The following ROBO1 variants were observed in gnomAD, a reference collection of about 807,000 sequenced individuals.
ROBO1 encodes roundabout homolog 1.
A neutral mutation model predicts 195.9 loss-of-function variants in ROBO1; 149 were observed. That is an observed-to-expected ratio of 0.76 (90% confidence interval 0.67 to 0.87). ROBO1 has a LOEUF of 0.87. ROBO1 is among the 40% of genes least tolerant of loss of function. The probability of loss-of-function intolerance (pLI) is 0.00; values close to 1 mark genes in which losing one functional copy is unlikely to be tolerated. For missense variants in ROBO1, 1,933 were observed against 2,068.3 expected (o/e 0.93, Z 1.27); for synonymous variants, 816 against 733.2 (o/e 1.11, Z -1.82).
intron 2 of ROBO1, among the ~76,000 whole-genome samples, chr3:79,573,490 A>T (rs1943348959): frequency 6.6e-6 from 1 of 152,294 alleles, no homozygotes; most frequent in South Asian, 2.1e-4. Flanking sequence ...TATATTTATT[A>T]TTCATTTATT....
intron 4 of ROBO1, among the ~76,000 whole-genome samples, chr3:78,786,502 G>A (rs1421551547): frequency 6.6e-6 from 1 of 151,934 alleles, no homozygotes; most frequent in Non-Finnish European, 1.5e-5. Flanking sequence ...ATTTGATATG[G>A]TTTTGCTGTG....
chr3:79,387,698 T>TA (rs11425206), intron 2 of ROBO1, among the ~76,000 whole-genome samples: 71,991 of 151,654 alleles, frequency 0.47, 17,159 homozygotes, highest in Non-Finnish European at 0.5. Flanking sequence ...TACTCAAATT[T>TA]AAAAAATGTG....
chr3:79,728,342 A>G (rs1703009291), intron 1 of ROBO1, among the ~76,000 whole-genome samples: 1 of 152,184 alleles, frequency 6.6e-6, no homozygotes, highest in African/African-American at 2.4e-5. Flanking sequence ...CAAATACAAT[A>G]TGCCAATGGG....
chr3:78,930,286 T>C (rs898712130), intron 4 of ROBO1, among the ~76,000 whole-genome samples: 3 of 152,184 alleles, frequency 2.0e-5, no homozygotes, highest in Non-Finnish European at 2.9e-5. Flanking sequence ...TCACTTCCAA[T>C]AGGCCAGGCA....
At chr3:79,337,668 C>T (rs1241085151) in intron 2 of ROBO1, among the ~76,000 whole-genome samples, 1 of 152,190 alleles carries the variant, frequency 6.6e-6, no homozygotes, top group Non-Finnish European at 1.5e-5. Flanking sequence ...CACCCTATCA[C>T]ATTGTATAGC....
At chr3:78,738,925 C>A (rs1249124939) in intron 5 of ROBO1, among the ~76,000 whole-genome samples, 1 of 152,076 alleles carries the variant, frequency 6.6e-6, no homozygotes, top group African/African-American at 2.4e-5. Context: ...CAAACAAATT[C>A]TTTCCCCATC....
intron 5 of ROBO1, among the ~76,000 whole-genome samples, chr3:78,730,103 G>A (rs558759375): frequency 1.6e-4 from 25 of 152,284 alleles, no homozygotes; most frequent in Admixed American, 1.4e-3. Flanking sequence ...GATGACAAAT[G>A]TTCATAGTAT....
intron 2 of ROBO1, among the ~76,000 whole-genome samples, chr3:79,460,958 CAGA>C (rs1937616897): frequency 6.6e-6 from 1 of 152,014 alleles, no homozygotes; most frequent in South Asian, 2.1e-4. Flanking sequence ...CCTTGTCAGC[CAGA>C]AGTAGTATTT....
intron 2 of ROBO1, among the ~76,000 whole-genome samples, chr3:79,331,164 A>C (rs902230408): frequency 6.6e-6 from 1 of 152,234 alleles, no homozygotes; most frequent in Non-Finnish European, 1.5e-5. Context: ...CAGAACTTTA[A>C]GAAAATGAAT....
chr3:79,276,789 A>G (rs966404624), intron 2 of ROBO1, among the ~76,000 whole-genome samples: 12 of 152,008 alleles, frequency 7.9e-5, no homozygotes, highest in Admixed American at 5.9e-4. Flanking sequence ...TAATAATCTG[A>G]TTTTTAAAAT....
intron 2 of ROBO1, among the ~76,000 whole-genome samples, chr3:79,347,866 C>T (rs1254937570): frequency 6.6e-6 from 1 of 152,152 alleles, no homozygotes; most frequent in Non-Finnish European, 1.5e-5. Flanking sequence ...AACAAAGGCA[C>T]TGAATGAATC....
rs1287590559 is a variant in ROBO1 at position 78,962,174 on chromosome 3, T to A, written c.173-23247A>T. Among the ~76,000 whole-genome samples, 6 of 152,086 alleles carry A rather than the reference T, an allele frequency of 3.9e-5. No individual in the cohort carries two copies. In the South Asian group the frequency reaches 6.2e-4, roughly 16 times the overall value. On this transcript the variant is annotated intron_variant, in intron 3 of 30. Transcript: ENST00000464233. ...TGTTCTAACTCCCATGAACACCAAGTTAGGAGTAAAACTTTCCATAAAAGA... is the reference window on the plus strand; with the variant it reads ...TGTTCTAACTCCCATGAACACCAAGATAGGAGTAAAACTTTCCATAAAAGA...
chr3:79,307,713 A>T (rs867435687), intron 2 of ROBO1, among the ~76,000 whole-genome samples: 2 of 152,144 alleles, frequency 1.3e-5, no homozygotes, highest in Non-Finnish European at 2.9e-5. Flanking sequence ...TGTCAAGTAG[A>T]TACCTGGGAA....
chr3:79,756,024 C>G (rs370703319), intron 1 of ROBO1, among the ~76,000 whole-genome samples: 2 of 152,322 alleles, frequency 1.3e-5, no homozygotes, highest in South Asian at 4.1e-4. Context: ...ACCTCACCAG[C>G]TCTCATATCC....
At chr3:79,094,028 T>C (rs1439419994) in intron 3 of ROBO1, among the ~76,000 whole-genome samples, 1 of 152,094 alleles carries the variant, frequency 6.6e-6, no homozygotes, top group Non-Finnish European at 1.5e-5. Context: ...GGGCACCATA[T>C]GTGTAACCAA....
At chr3:79,662,863 T>A (rs1430977485) in intron 1 of ROBO1, among the ~76,000 whole-genome samples, 1 of 151,992 alleles carries the variant, frequency 6.6e-6, no homozygotes, top group East Asian at 1.9e-4. Context: ...TGTGGGAGAA[T>A]CTGAAAGGAA....
intron 3 of ROBO1, among the ~76,000 whole-genome samples, chr3:79,111,840 A>G (rs1471627315): frequency 6.6e-6 from 1 of 152,188 alleles, no homozygotes; most frequent in Non-Finnish European, 1.5e-5. Context: ...AATAAAACTT[A>G]GACACAAATG....
intron 2 of ROBO1, among the ~76,000 whole-genome samples, chr3:79,556,397 A>G (rs747952254): frequency 1.3e-5 from 2 of 152,114 alleles, no homozygotes; most frequent in African/African-American, 4.8e-5. Context: ...ATTGTAGAAA[A>G]AAACAGCATG....
chr3:78,706,682 A>G (rs1399703448), intron 8 of ROBO1, among the ~76,000 whole-genome samples: 1 of 152,068 alleles, frequency 6.6e-6, no homozygotes, highest in Non-Finnish European at 1.5e-5. Flanking sequence ...AATAGATTCT[A>G]TGAGACAAGG....
Sources: gnomAD v4.1 joint callset for allele counts (sites outside exome capture counted in the v4.1 genomes callset) on GRCh38, gnomAD v4.1.1 for gene constraint, MANE v1.5 for transcripts, NCBI Gene and HGNC (gene_info 2026-07-23, HGNC 2026-07-21) for gene names.